OVOL2: variants seen among roughly 807,000 people sequenced by gnomAD.
The protein encoded by OVOL2 is ovo like zinc finger 2, also known as transcription factor Ovo-like 2.
In OVOL2, 13 loss-of-function variants were observed where a neutral mutation model predicts 18.1. The observed-to-expected ratio is 0.72, with a 90% CI of 0.47 to 1.14. OVOL2 has a LOEUF of 1.14. Ranked by LOEUF, OVOL2 falls within the 50% of genes most tolerant of loss-of-function variation. The pLI, the probability that OVOL2 is intolerant of heterozygous loss-of-function variation, is 0.00. For missense variants in OVOL2, 335 were observed against 383.0 expected, an observed-to-expected ratio of 0.87 and a Z score of 1.05; for synonymous variants, 166 against 162.7, an observed-to-expected ratio of 1.02 and a Z score of -0.16.
Position 18,024,361 on chromosome 20 carries a change from A to G in OVOL2, c.*275T>C, listed in dbSNP as rs966974570. On this transcript the variant is annotated 3_prime_UTR_variant, in exon 4 of 4. Coordinates refer to ENST00000278780, the MANE Select transcript of OVOL2 (RefSeq NM_021220.4). ...TGTGAAAATCCTTGGGGGAAAAAAA[A>G]ATCCCACACGGTGTTCTTGGCCATC... The G allele has an allele frequency of 2.3e-6, 1 of 426,398 alleles. No homozygotes were observed. Among genetic ancestry groups the G allele is most frequent in the Admixed American group, 4.2e-5 (1 of 23,716 alleles). 26.4% of individuals were successfully genotyped at this position (426,398 alleles called of 1,614,324 possible).
At chr20:18,039,935 T>C (rs1192904650) in intron 3 of OVOL2, among the ~76,000 whole-genome samples, 1 of 152,130 alleles carries the variant, frequency 6.6e-6, no homozygotes, top group Non-Finnish European at 1.5e-5. Context: ...CCCTTTTTTT[T>C]TCCCCTTGAG....
At chr20:18,052,168 G>A (rs937695698) in intron 2 of OVOL2, among the ~76,000 whole-genome samples, 21 of 152,254 alleles carry the variant, frequency 1.4e-4, no homozygotes, top group Admixed American at 1.2e-3. Context: ...ATGGTGATGC[G>A]CTCAGCAAAA....
At chr20:18,045,305 A>G (rs775432979) in intron 2 of OVOL2, among the ~76,000 whole-genome samples, 2 of 152,248 alleles carry the variant, frequency 1.3e-5, no homozygotes, top group Non-Finnish European at 2.9e-5. Context: ...GAAATAGAAC[A>G]AAGACAATTA....
rs1309872106 is a variant in OVOL2, at chr20:18,056,395, C to T, written c.321+262G>A. The stretch of plus-strand genomic sequence containing the variant: ...TTTCGGCAGTTCCAGAGGCAGCACT[C>T]GGCATCAGGCGGGGCCACCGGGAGG... On this transcript the variant is annotated intron_variant, in intron 2 of 3. Transcript: ENST00000278780. This position sits in a 1 kb window ranked among gnomAD's most constrained non-coding sequence, Gnocchi z 4.2. Among the ~76,000 whole-genome samples, 3 of 152,230 alleles carry T rather than the reference C, an allele frequency of 2.0e-5. No individual in the cohort carries two copies. Among genetic ancestry groups the T allele is most frequent in the East Asian group, 1.9e-4 (1 of 5,168 alleles).
At chr20:18,041,127 A>G (rs2036663779) in intron 3 of OVOL2, among the ~76,000 whole-genome samples, 1 of 152,134 alleles carries the variant, frequency 6.6e-6, no homozygotes, top group Non-Finnish European at 1.5e-5. Flanking sequence ...TGAACCCAGA[A>G]GGGCTGGCCC....
At chr20:18,031,920 T>C (rs149375070) in intron 3 of OVOL2, among the ~76,000 whole-genome samples, 323 of 152,364 alleles carry the variant, frequency 2.1e-3, no homozygotes, top group African/African-American at 7.4e-3. Flanking sequence ...TGGAACTTTC[T>C]AGTTGCTTTC....
chr20:18,047,434 C>T lies in OVOL2; in HGVS notation c.322-5711G>A, dbSNP rs564701500. On this transcript the variant is annotated intron_variant, in intron 2 of 3. Coordinates refer to ENST00000278780, the MANE Select transcript of OVOL2 (RefSeq NM_021220.4). ...CTGAAACAAGAGAATCGTTTGAACCCGGGAGGCGGAGGTTGCAGTGAGCCG... is the reference window on the plus strand; with the variant it reads ...CTGAAACAAGAGAATCGTTTGAACCTGGGAGGCGGAGGTTGCAGTGAGCCG... Among the ~76,000 whole-genome samples the T allele has an allele frequency of 1.1e-3, 167 of 149,418 alleles. 13 individuals are homozygous for T. The highest frequency in any genetic ancestry group is 3.9e-3 in the African/African-American group (156 of 40,012).
At chr20:18,047,853 C>CAAAAAAAAA (rs34668253) in intron 2 of OVOL2, among the ~76,000 whole-genome samples, 57 of 46,876 alleles carry the variant, frequency 1.2e-3, no homozygotes, top group East Asian at 2.5e-3. Context: ...GACTCCGTCT[C>CAAAAAAAAA]AAAAAAAAAA....
At chr20:18,049,978 G>C (rs537528519) in intron 2 of OVOL2, among the ~76,000 whole-genome samples, 1 of 152,308 alleles carries the variant, frequency 6.6e-6, no homozygotes, top group East Asian at 1.9e-4. Flanking sequence ...CTGAAAGGTT[G>C]AGGATCCTTG....
chr20:18,057,535 C>A lies in OVOL2; in HGVS notation c.100G>T (p.Val34Leu). 6.4e-7 allele frequency: 1 copy of A among 1,574,254 alleles called. No homozygotes were observed. The highest frequency in any genetic ancestry group is 8.6e-7 in the Non-Finnish European group (1 of 1,159,534). ...DEKRADTYIP[V>L]GLGRLLHDPP... The stretch of plus-strand genomic sequence containing the variant: ...AGGCCCGGCCCCCGCGCGCGCTCAC[C>A]TGGGATGTAGGTGTCTGCCCTTTTC... Residue 34 changes from valine (V) to leucine (L), a missense_variant and splice_region_variant, in exon 1 of 4, where the codon GTG becomes TTG. By Grantham distance (32) the Val-to-Leu change is conservative (BLOSUM62 1). Transcript: ENST00000278780. This position sits in a 1 kb window ranked among gnomAD's most constrained non-coding sequence, Gnocchi z 6.3.
At chr20:18,057,918 G>A, upstream of OVOL2, 1 of 1,280,476 alleles carries the variant, frequency 7.8e-7, no homozygotes, top group South Asian at 2.1e-5. The surrounding 1 kb of genome is among the most constrained non-coding windows in gnomAD (Gnocchi z 6.3). Flanking sequence ...AGGAAACTTG[G>A]GACTGAGCAT....
intron 2 of OVOL2, among the ~76,000 whole-genome samples, chr20:18,043,130 T>C: frequency 6.6e-6 from 1 of 152,176 alleles, no homozygotes; most frequent in East Asian, 1.9e-4. Context: ...AACAGTCACC[T>C]TGGACCATGA....
At chr20:18,037,793 T>C (rs1376745629) in intron 3 of OVOL2, among the ~76,000 whole-genome samples, 1 of 152,320 alleles carries the variant, frequency 6.6e-6, no homozygotes, top group Non-Finnish European at 1.5e-5. Flanking sequence ...CCGCTGCCCG[T>C]AGTGATAACC....
chr20:18,033,931 TC>T (rs2036592596), intron 3 of OVOL2, among the ~76,000 whole-genome samples: 1 of 152,148 alleles, frequency 6.6e-6, no homozygotes, highest in African/African-American at 2.4e-5. Context: ...ACTATATATA[TC>T]CTATAAATAT....
chr20:18,054,002 A>G (rs991545417), intron 2 of OVOL2, among the ~76,000 whole-genome samples: 1 of 152,088 alleles, frequency 6.6e-6, no homozygotes, highest in Non-Finnish European at 1.5e-5. Context: ...CCACATCAGG[A>G]CACTTTCCCC....
At chr20:18,035,255 A>C (rs2036605676) in intron 3 of OVOL2, among the ~76,000 whole-genome samples, 1 of 152,232 alleles carries the variant, frequency 6.6e-6, no homozygotes, top group South Asian at 2.1e-4. Context: ...AGTCGAGACC[A>C]GTCTGGCCAA....
At chr20:18,043,762 A>G (rs1487361383) in intron 2 of OVOL2, among the ~76,000 whole-genome samples, 1 of 152,310 alleles carries the variant, frequency 6.6e-6, no homozygotes, top group African/African-American at 2.4e-5. Context: ...GCTTTCTACC[A>G]CCTTCGCTGC....
chr20:18,024,894 C>A lies in OVOL2; in HGVS notation c.570G>T (p.Leu190=), dbSNP rs368441748. The A allele has an allele frequency of 1.9e-6, 3 of 1,614,034 alleles. No homozygotes were observed. In the African/African-American group the frequency reaches 4.0e-5, roughly 22 times the overall value. Residue 190 remains leucine (L), a synonymous_variant, in exon 4 of 4, where the codon CTG becomes CTT. Transcript: ENST00000278780. ...CATGGATTTTCTTCAGGTGGGACTC[C>A]AGAGAGCAGCGCTGGGTGAAGGCTT... ...CNKAFTQRCS[L]ESHLKKIHGV...
At chr20:18,058,372 C>T (rs1191979510), upstream of OVOL2, among the ~76,000 whole-genome samples, 2 of 151,050 alleles carry the variant, frequency 1.3e-5, no homozygotes, top group East Asian at 2.0e-4. Context: ...GGGGTGGGGG[C>T]TTAGGGGCTT....
Sources: allele counts gnomAD v4.1 joint callset (sites outside exome capture counted in the v4.1 genomes callset), GRCh38; gene constraint gnomAD v4.1.1; non-coding constraint Gnocchi (gnomAD v3.1); transcripts MANE v1.5; gene names NCBI Gene and HGNC (gene_info 2026-07-23, HGNC 2026-07-21).